Variants in WWP2 observed in about 807,000 individuals in gnomAD.
WWP2 encodes the protein NEDD4-like E3 ubiquitin-protein ligase WWP2.
In WWP2, 57 loss-of-function variants were observed where a neutral mutation model predicts 121.0. That is an observed-to-expected ratio of 0.47 (90% CI 0.38 to 0.59). The LOEUF (loss-of-function observed/expected upper bound fraction) is 0.59. Ranked by LOEUF, WWP2 falls within the 20% of genes least tolerant of loss-of-function variation. The pLI, the probability that WWP2 is intolerant of heterozygous loss-of-function variation, is 0.00. For synonymous variants in WWP2, 449 were observed against 441.3 expected (o/e 1.02, Z -0.22); for missense variants, 962 against 1,158.9 (o/e 0.83, Z 2.47).
Position 69,799,340 on chromosome 16 carries a change from T to C in WWP2, c.340+45T>C. The C allele has an allele frequency of 6.3e-7, 1 of 1,596,998 alleles. No individual in the cohort carries two copies. Among genetic ancestry groups the C allele is most frequent in the Non-Finnish European group, 8.5e-7 (1 of 1,170,722 alleles). On this transcript the variant is annotated intron_variant, in intron 4 of 23. Coordinates refer to ENST00000359154, the MANE Select transcript of WWP2 (RefSeq NM_001270454.2). The surrounding 1 kb of genome is among the most constrained non-coding windows in gnomAD (Gnocchi z 4.5). ...TGCCGACGTGATTCTTGGGTGGGGA[T>C]GGGAGGACCTGGCAGATCAACCTGG...
intron 6 of WWP2, among the ~76,000 whole-genome samples, chr16:69,855,678 G>A (rs769591274): frequency 1.3e-5 from 2 of 152,156 alleles, no homozygotes; most frequent in Non-Finnish European, 1.5e-5. Flanking sequence ...GGATATCTGG[G>A]GAAAGAGAGT....
At chr16:69,911,238 C>T (rs4985452) in intron 9 of WWP2, among the ~76,000 whole-genome samples, 112,670 of 152,134 alleles carry the variant, frequency 0.74, 42,570 homozygotes, top group East Asian at 0.96. Flanking sequence ...ATGGGTCCTT[C>T]TATCCGGGAG....
At chr16:69,859,440 G>A (rs55887947) in intron 6 of WWP2, among the ~76,000 whole-genome samples, 80,163 of 151,886 alleles carry the variant, frequency 0.53, 21,752 homozygotes, top group East Asian at 0.9. Flanking sequence ...CTGTCATCCC[G>A]GTTACTCAGG....
intron 6 of WWP2, among the ~76,000 whole-genome samples, chr16:69,861,522 G>A (rs911710514): frequency 2.0e-5 from 3 of 152,154 alleles, no homozygotes; most frequent in African/African-American, 7.2e-5. Context: ...CATTTGTGAG[G>A]CTGGCAGTCC....
intron 1 of WWP2, among the ~76,000 whole-genome samples, chr16:69,784,432 C>T (rs1324101278): frequency 6.6e-6 from 1 of 152,228 alleles, no homozygotes; most frequent in Admixed American, 6.5e-5. Context: ...TAACACTTTG[C>T]CTTTTCACTG....
intron 11 of WWP2, 51 bp from the exon 12 acceptor site, chr16:69,929,397 C>T: frequency 6.4e-7 from 1 of 1,566,930 alleles, no homozygotes; most frequent in Non-Finnish European, 8.8e-7. Flanking sequence ...GGAAAGGACA[C>T]CGGCTCTCCG....
chr16:69,935,083 C>T lies in WWP2; in HGVS notation c.1843-770C>T, dbSNP rs1175397042. ...CGTGCCCCGTTGAGGGTCCTGGGAG[C>T]GTGGAGAACCCGGATTGAGAAGCGG... On this transcript the variant is annotated intron_variant, in intron 17 of 23. Transcript: ENST00000359154. This position sits in a 1 kb window ranked among gnomAD's most constrained non-coding sequence, Gnocchi z 5.2. Among the ~76,000 whole-genome samples the T allele has an allele frequency of 6.6e-6, 1 of 152,160 alleles. No individual in the cohort carries two copies. The highest frequency in any genetic ancestry group is 2.1e-4 in the South Asian group (1 of 4,822).
At position 69,941,255 on chromosome 16, in the gene WWP2, G is replaced by A. The variant is rs1033796723; in HGVS notation, c.*1315G>A. Reference sequence around the variant, plus strand: ...GGTGACCATGCCCCACCGGGGTGCTGGGGCAGTAGTCATGGCAGACTCCCG... The same window carrying A: ...GGTGACCATGCCCCACCGGGGTGCTAGGGCAGTAGTCATGGCAGACTCCCG... On this transcript the variant is annotated 3_prime_UTR_variant, in exon 24 of 24. Transcript: ENST00000359154. 9.8e-5 allele frequency: 15 copies of A among 152,712 alleles called. No homozygotes were observed. The highest frequency in any genetic ancestry group is 3.4e-4 in the African/African-American group (14 of 41,394). The allele number at this position is 152,712 out of a possible 1,614,324, so 9.5% of individuals were successfully genotyped here.
chr16:69,919,898 TCCTC>T (rs1044396802), intron 10 of WWP2, among the ~76,000 whole-genome samples: 3 of 151,168 alleles, frequency 2.0e-5, no homozygotes, highest in Non-Finnish European at 1.5e-5. Context: ...GCTGAAGTGA[TCCTC>T]CCACCTCAGC....
chr16:69,940,234 C>T lies in WWP2; in HGVS notation c.*294C>T. On this transcript the variant is annotated 3_prime_UTR_variant, in exon 24 of 24. Coordinates refer to ENST00000359154, the MANE Select transcript of WWP2 (RefSeq NM_001270454.2). Reference sequence around the variant, plus strand: ...CTCTCCCCTGTCCTCTAGACCCCACCCTGGGTGTATGTGAGTGTGCAAGGG... The same window carrying T: ...CTCTCCCCTGTCCTCTAGACCCCACTCTGGGTGTATGTGAGTGTGCAAGGG... 1 of 425,730 alleles carries T rather than the reference C, an allele frequency of 2.3e-6. No homozygotes were observed. The highest frequency in any genetic ancestry group is 4.2e-6 in the Non-Finnish European group (1 of 236,944). The allele number at this position is 425,730 out of a possible 1,614,324, so 26.4% of individuals were successfully genotyped here.
At chr16:69,797,548 T>A (rs1246110113) in intron 2 of WWP2, among the ~76,000 whole-genome samples, 1 of 152,148 alleles carries the variant, frequency 6.6e-6, no homozygotes. Context: ...GGGTCTTTAA[T>A]AAGTACTCAT....
rs566325589 is a variant in WWP2 at position 69,910,320 on chromosome 16, T to A, written c.1004+1470T>A. The A allele has an allele frequency of 7.9e-4, 761 of 964,706 alleles. 2 individuals are homozygous for A. Among genetic ancestry groups the A allele is most frequent in the Admixed American group, 9.2e-4 (15 of 16,246 alleles). The allele number at this position is 964,706 out of a possible 1,614,324, so 59.8% of individuals were successfully genotyped here. On this transcript the variant is annotated intron_variant, in intron 9 of 23. Coordinates refer to ENST00000359154, the MANE Select transcript of WWP2 (RefSeq NM_001270454.2). Reference sequence around the variant, plus strand: ...GACTTTCTATAATTGTGTCACAAATTAAACATTGACTTTAACAGTATGTAT... The same window carrying A: ...GACTTTCTATAATTGTGTCACAAATAAAACATTGACTTTAACAGTATGTAT...
intron 8 of WWP2, chr16:69,895,025 A>T (rs1278208176): frequency 6.6e-6 from 1 of 152,196 alleles, no homozygotes. Flanking sequence ...AGTGGAATTA[A>T]TTGAGGAGGG....
At position 69,903,942 on chromosome 16, in the gene WWP2, A is replaced by T. The variant is rs8047730; in HGVS notation, c.915-4819A>T. Among the ~76,000 whole-genome samples the T allele has an allele frequency of 5.6e-3, 849 of 152,312 alleles. 7 individuals are homozygous for T. The highest frequency in any genetic ancestry group is 0.019 in the African/African-American group (798 of 41,566). On this transcript the variant is annotated intron_variant, in intron 8 of 23. Coordinates refer to ENST00000359154, the MANE Select transcript of WWP2 (RefSeq NM_001270454.2). ...ATTAGGGCTTTTGTGCCACAAAACT[A>T]CCCAAAGAACTGTTTTCAAGGAAGG...
At chr16:69,895,130 C>A (rs2058088363) in intron 8 of WWP2, 1 of 152,352 alleles carries the variant, frequency 6.6e-6, no homozygotes, top group Admixed American at 6.5e-5. Context: ...CCTTAAGACA[C>A]TATCAAGGAC....
intron 6 of WWP2, among the ~76,000 whole-genome samples, chr16:69,862,064 TG>T (rs2057431540): frequency 6.6e-6 from 1 of 152,198 alleles, no homozygotes. Flanking sequence ...CAGGTTGTTT[TG>T]TTTTGTTTGT....
chr16:69,920,328 C>T (rs1020615855), intron 10 of WWP2, among the ~76,000 whole-genome samples: 6 of 152,176 alleles, frequency 3.9e-5, no homozygotes, highest in Admixed American at 3.9e-4. Flanking sequence ...GCGCTCTGCA[C>T]ACTTTCTTGG....
intron 1 of WWP2, among the ~76,000 whole-genome samples, chr16:69,777,208 TATC>T (rs1263765260): frequency 2.0e-5 from 3 of 151,990 alleles, no homozygotes; most frequent in Admixed American, 6.6e-5. Flanking sequence ...CATATGGAGA[TATC>T]ATATATGCAC....
In WWP2 at chr16:69,888,071, G is replaced by A. The variant is rs762653214; in HGVS notation, c.736G>A (p.Glu246Lys). 4.3e-6 allele frequency: 7 copies of A among 1,614,092 alleles called. No individual in the cohort carries two copies. The Admixed American group carries it at 5.0e-5, about 12-fold the overall frequency. The change falls in exon 8 of 24, where the codon GAA (glutamate) becomes AAA (lysine). Residue 246 changes from glutamate to lysine, a missense_variant. By Grantham distance (56) the Glu-to-Lys change is moderately conservative (BLOSUM62 1). Around this residue, in one of 3 missense-constraint regions of WWP2, gnomAD observed 211 missense variants for 196.5 expected, o/e 1.07. Coordinates refer to ENST00000359154, the MANE Select transcript of WWP2 (RefSeq NM_001270454.2). Reference protein sequence around the residue: ...NDEPTTATDPEEPSVVGVTSP... With the variant: ...NDEPTTATDPKEPSVVGVTSP... ...TGAACCCACAACAGCCACTGATCCC[G>A]AAGAACCTTCCGTTGTTGGTGTGAC...
Sources: allele counts gnomAD v4.1 joint callset (sites outside exome capture counted in the v4.1 genomes callset), GRCh38; gene constraint gnomAD v4.1.1; regional missense constraint gnomAD v4.1.1; non-coding constraint Gnocchi (gnomAD v3.1); transcripts MANE v1.5; gene names NCBI Gene and HGNC (gene_info 2026-07-23, HGNC 2026-07-21).